The following UNC93A variants were observed in gnomAD, a reference collection of about 807,000 sequenced individuals.
The protein encoded by UNC93A is N-acetylglucosamine transporter UNC93A.
In UNC93A, 43 loss-of-function variants were observed where a neutral mutation model predicts 47.5. The observed-to-expected ratio is 0.91, with a 90% CI of 0.71 to 1.17. UNC93A has a LOEUF of 1.17. Among genes scored for constraint, UNC93A ranks in the 50% most tolerant of loss-of-function variants. The pLI is 0.00. For missense variants in UNC93A, 605 were observed against 577.6 expected, an observed-to-expected ratio of 1.05 and a Z score of -0.49; for synonymous variants, 280 against 258.0, an observed-to-expected ratio of 1.09 and a Z score of -0.82.
intron 4 of UNC93A, among the ~76,000 whole-genome samples, chr6:167,303,364 G>A (rs567876705): frequency 1.1e-4 from 16 of 152,222 alleles, no homozygotes; most frequent in South Asian, 1.0e-3. Context: ...TTTCCCATCC[G>A]TGTATAAAGA....
At chr6:167,301,768 A>G (rs1430086978) in intron 4 of UNC93A, among the ~76,000 whole-genome samples, 1 of 152,206 alleles carries the variant, frequency 6.6e-6, no homozygotes, top group African/African-American at 2.4e-5. Flanking sequence ...GAGATTGTGA[A>G]GAAGGCGCTG....
intron 5 of UNC93A, among the ~76,000 whole-genome samples, chr6:167,304,627 A>G (rs973960840): frequency 3.3e-5 from 5 of 151,474 alleles, no homozygotes; most frequent in Non-Finnish European, 5.9e-5. Flanking sequence ...CTGGAGTGCA[A>G]TGGCGCCATC....
intron 1 of UNC93A, among the ~76,000 whole-genome samples, chr6:167,285,261 G>A (rs1583065090): frequency 6.6e-6 from 1 of 152,038 alleles, no homozygotes; most frequent in East Asian, 2.0e-4. Context: ...GCCCTGGCTG[G>A]CATTTGTCAC....
At chr6:167,274,788 T>C (rs1468566309) in intron 1 of UNC93A, among the ~76,000 whole-genome samples, 4 of 152,220 alleles carry the variant, frequency 2.6e-5, no homozygotes, top group African/African-American at 7.2e-5. Context: ...GCACAGAGAC[T>C]AGCGAGTAAT....
At chr6:167,299,923 A>T (rs1270304936) in intron 4 of UNC93A, among the ~76,000 whole-genome samples, 1 of 152,218 alleles carries the variant, frequency 6.6e-6, no homozygotes, top group African/African-American at 2.4e-5. Flanking sequence ...AGCGTGACTT[A>T]GAGGTGCAGA....
At position 167,291,367 on chromosome 6, in the gene UNC93A, G is replaced by C. The variant is rs1783836070; in HGVS notation, c.-123G>C. 1.3e-6 allele frequency: 1 copy of C among 754,850 alleles called. No individual in the cohort carries two copies. The highest frequency in any genetic ancestry group is 2.1e-6 in the Non-Finnish European group (1 of 466,890). 46.8% of individuals were successfully genotyped at this position (754,850 alleles called of 1,614,324 possible). A position where few individuals can be genotyped will look rare whatever the true frequency, so the allele number is the denominator to read the frequency against. Reference sequence around the variant, plus strand: ...ACACACCTCTAACATTTCACCTCTAGCTCAGATGAGAGAGAGAATGGGACT... The same window carrying C: ...ACACACCTCTAACATTTCACCTCTACCTCAGATGAGAGAGAGAATGGGACT... On this transcript the variant is annotated 5_prime_UTR_variant, in exon 1 of 8. The change abolishes the stop of an existing upstream ORF in the 5' untranslated region. Transcript: ENST00000230256.
intron 1 of UNC93A, among the ~76,000 whole-genome samples, chr6:167,276,964 G>A (rs1224549134): frequency 6.6e-6 from 1 of 152,204 alleles, no homozygotes; most frequent in Non-Finnish European, 1.5e-5. Context: ...GGTGAGATGC[G>A]CTGCAGGCAG....
intron 5 of UNC93A, 93 bp from the exon 6 acceptor site, chr6:167,305,822 A>G: frequency 6.4e-7 from 1 of 1,569,746 alleles, no homozygotes; most frequent in Non-Finnish European, 8.7e-7. Flanking sequence ...TGGCCATCTC[A>G]GAGCAGATGT....
intron 1 of UNC93A, among the ~76,000 whole-genome samples, chr6:167,279,674 T>C (rs148906817): frequency 1.3e-4 from 20 of 152,304 alleles, no homozygotes; most frequent in Admixed American, 2.6e-4. Context: ...AGTATAACCA[T>C]AGATGAAGTG....
intron 1 of UNC93A, among the ~76,000 whole-genome samples, chr6:167,292,617 T>C (rs112563755): frequency 0.012 from 1,790 of 152,258 alleles, 42 homozygotes; most frequent in African/African-American, 0.041. Context: ...ACTCTCAAAG[T>C]CAAGTGGAAG....
chr6:167,300,076 C>T (rs977667214), intron 4 of UNC93A, among the ~76,000 whole-genome samples: 3 of 152,080 alleles, frequency 2.0e-5, no homozygotes, highest in Non-Finnish European at 4.4e-5. Flanking sequence ...GAGAAGACAG[C>T]CCTGGGGTTG....
At chr6:167,285,282 G>A (rs1009124257) in intron 1 of UNC93A, among the ~76,000 whole-genome samples, 49 of 152,014 alleles carry the variant, frequency 3.2e-4, no homozygotes, top group African/African-American at 8.4e-4. Context: ...ACGTCTTCCC[G>A]TGTCTAAAGT....
upstream of UNC93A, among the ~76,000 whole-genome samples, chr6:167,269,180 C>G (rs1050824947): frequency 3.9e-5 from 6 of 152,336 alleles, no homozygotes; most frequent in African/African-American, 1.4e-4. Flanking sequence ...ACCGGCGGAA[C>G]AGGCAGGCTG....
In UNC93A at chr6:167,291,560, G is replaced by A; in HGVS notation, c.71G>A (p.Gly24Asp). The A allele has an allele frequency of 6.2e-7, 1 of 1,613,140 alleles. No individual in the cohort carries two copies. The highest frequency in any genetic ancestry group is 8.5e-7 in the Non-Finnish European group (1 of 1,179,594). The stretch of plus-strand genomic sequence containing the variant: ...CTGCTTCTCTTTACAGCCTATGGAG[G>A]TCTGCAGAGCCTGCAGGTATGTGTG... ...GFLLLFTAYG[G>D]LQSLQSSLYS... Residue 24 changes from glycine (G) to aspartate (D), a missense_variant, in exon 1 of 8, where the codon GGT (glycine) becomes GAT (aspartate). Physicochemically the swap from Gly to Asp is moderately conservative, Grantham distance 94. Transcript: ENST00000230256.
chr6:167,272,612 G>A (rs957706718), intron 1 of UNC93A, among the ~76,000 whole-genome samples: 1 of 152,190 alleles, frequency 6.6e-6, no homozygotes, highest in African/African-American at 2.4e-5. Context: ...AAGTACATTG[G>A]TTTGGTCCAG....
At chr6:167,286,426 C>G (rs923650695), upstream of UNC93A, among the ~76,000 whole-genome samples, 2 of 152,224 alleles carry the variant, frequency 1.3e-5, no homozygotes, top group East Asian at 3.9e-4. Flanking sequence ...GGGAAAATGC[C>G]TCAGTCTCAC....
intron 3 of UNC93A, 74 bp downstream of exon 3, chr6:167,296,335 T>G: frequency 6.7e-7 from 1 of 1,486,422 alleles, no homozygotes; most frequent in Non-Finnish European, 9.3e-7. Flanking sequence ...GGGTTCCTGA[T>G]TTCAGTTGCA....
At chr6:167,287,664 C>T (rs139762406), upstream of UNC93A, among the ~76,000 whole-genome samples, 760 of 150,938 alleles carry the variant, frequency 5.0e-3, 9 homozygotes, top group African/African-American at 0.017. Flanking sequence ...AAAGGACCTA[C>T]GAACTTGGAA....
At chr6:167,312,958 G>A (rs1053936690) in intron 7 of UNC93A, among the ~76,000 whole-genome samples, 2 of 152,098 alleles carry the variant, frequency 1.3e-5, no homozygotes, top group African/African-American at 4.8e-5. Flanking sequence ...CCCCTTTCCC[G>A]AGTGGGACAA....
Sources: gnomAD v4.1 joint callset for allele counts (sites outside exome capture counted in the v4.1 genomes callset) on GRCh38, gnomAD v4.1.1 for gene constraint, MANE v1.5 for transcripts, NCBI Gene and HGNC (gene_info 2026-07-23, HGNC 2026-07-21) for gene names.